The following ZNF619 variants were observed in gnomAD, a reference collection of about 807,000 sequenced individuals.
ZNF619 encodes the protein zinc finger protein 619.
Under a neutral mutation model 14.2 loss-of-function variants are expected in ZNF619, and 9 were observed. That is an observed-to-expected ratio of 0.64 (90% CI 0.38 to 1.11). ZNF619 has a LOEUF of 1.11. Ranked by LOEUF, ZNF619 falls within the 50% of genes least tolerant of loss-of-function variation. The pLI is 0.01. For missense variants in ZNF619, 659 were observed against 680.1 expected, an observed-to-expected ratio of 0.97 and a Z score of 0.34; for synonymous variants, 246 against 252.8, an observed-to-expected ratio of 0.97 and a Z score of 0.26.
chr3:40,481,895 A>G lies in ZNF619; in HGVS notation c.57A>G (p.Pro19=), dbSNP rs1415503728. ...GLGRNLLFQE[P]VTFEDVAVYF... ...GCAGGAACCTGTTGTTTCAGGAGCC[A>G]GTAACCTTTGAGGATGTGGCTGTGT... The change falls in exon 3 of 5, where the codon CCA becomes CCG. Residue 19 remains proline, a synonymous_variant. Coordinates refer to ENST00000432264, the MANE Select transcript of ZNF619 (RefSeq NM_001145093.4). The G allele has an allele frequency of 5.6e-6, 9 of 1,612,850 alleles. No homozygotes were observed. Among genetic ancestry groups the G allele is most frequent in the Non-Finnish European group, 5.9e-6 (7 of 1,179,430 alleles).
intron 2 of ZNF619, 109 bp downstream of exon 2, chr3:40,478,112 A>G (rs1697257345): frequency 1.9e-6 from 2 of 1,048,882 alleles, no homozygotes; most frequent in Middle Eastern, 4.2e-4. Context: ...ACATCCTTCA[A>G]TAAAGTATGT....
chr3:40,486,705 A>AG (rs1697590482), intron 4 of ZNF619, 101 bp from the exon 5 acceptor site: 1 of 972,252 alleles, frequency 1.0e-6, no homozygotes. Flanking sequence ...CCACTCAAAA[A>AG]AAAAAAAAAA....
rs1407105688 is a variant in ZNF619, at chr3:40,488,673, G to A, written c.*432G>A. On this transcript the variant is annotated 3_prime_UTR_variant, in exon 5 of 5. Coordinates refer to ENST00000432264, the MANE Select transcript of ZNF619 (RefSeq NM_001145093.4). ...GAGCTTTTTTTTTTTTAGGGGGTGGGGGGTGGTGCCGGAGTTTCACTCTTG... is the reference window on the plus strand; with the variant it reads ...GAGCTTTTTTTTTTTTAGGGGGTGGAGGGTGGTGCCGGAGTTTCACTCTTG... The A allele has an allele frequency of 6.3e-6, 1 of 158,610 alleles. No homozygotes were observed. Among genetic ancestry groups the A allele is most frequent in the Admixed American group, 6.2e-5 (1 of 16,252 alleles). The allele number at this position is 158,610 out of a possible 1,614,324, so 9.8% of individuals were successfully genotyped here.
intron 4 of ZNF619, among the ~76,000 whole-genome samples, chr3:40,485,297 G>T (rs1170598332): frequency 7.2e-6 from 1 of 139,728 alleles, no homozygotes; most frequent in Non-Finnish European, 1.5e-5. Flanking sequence ...TATTGTGAAT[G>T]CATCATTTTT....
Position 40,487,078 on chromosome 3 carries a change from C to T in ZNF619, c.568C>T (p.His190Tyr), listed in dbSNP as rs1324465687. The stretch of plus-strand genomic sequence containing the variant: ...ATTGGAAGAAAGTAGTGTCAGCACA[C>T]ATCTCATTACAAAGCAGGGTTTTGC... ...RKLEESSVST[H>Y]LITKQGFAKE... The change falls in exon 5 of 5, where the codon CAT becomes TAT. Residue 190 changes from histidine (H) to tyrosine (Y), a missense_variant. By Grantham distance (83) the His-to-Tyr change is moderately conservative. Coordinates refer to ENST00000432264, the MANE Select transcript of ZNF619 (RefSeq NM_001145093.4). 1 of 1,614,116 alleles carries T rather than the reference C, an allele frequency of 6.2e-7. No homozygotes were observed. Among genetic ancestry groups the T allele is most frequent in the East Asian group, 2.2e-5 (1 of 44,882 alleles).
At chr3:40,480,522 G>A (rs1185017695) in intron 2 of ZNF619, among the ~76,000 whole-genome samples, 12 of 133,750 alleles carry the variant, frequency 9.0e-5, no homozygotes, top group African/African-American at 2.7e-4. Context: ...TTTTTGAGAC[G>A]GAGTCTTGCT....
At position 40,487,223 on chromosome 3, in the gene ZNF619, G is replaced by T. The variant is rs184060445; in HGVS notation, c.713G>T (p.Gly238Val). 1.9e-5 allele frequency: 31 copies of T among 1,614,126 alleles called. No individual in the cohort carries two copies. The highest frequency in any genetic ancestry group is 3.3e-5 in the Admixed American group (2 of 60,018). Residue 238 changes from glycine (G) to valine (V), a missense_variant, in exon 5 of 5, where the codon GGG (glycine) becomes GTG (valine). Gly to Val is a moderately radical substitution (Grantham distance 109, BLOSUM62 -3). Coordinates refer to ENST00000432264, the MANE Select transcript of ZNF619 (RefSeq NM_001145093.4). ...NEKPYTCKEC[G>V]KTFRYNSKLS... ...AAGCCCTACACATGCAAAGAATGTG[G>T]GAAAACCTTCAGATATAACTCAAAA... is the stretch of plus-strand genomic sequence containing the variant.
intron 4 of ZNF619, among the ~76,000 whole-genome samples, chr3:40,483,316 A>G (rs1697469205): frequency 6.8e-6 from 1 of 146,988 alleles, no homozygotes; most frequent in South Asian, 2.1e-4. Flanking sequence ...TTTGAGATGG[A>G]GTCTCGCTTT....
chr3:40,477,876 T>G, intron 1 of ZNF619, 42 bp from the exon 2 acceptor site: 6 of 1,119,632 alleles, frequency 5.4e-6, no homozygotes, highest in Non-Finnish European at 4.0e-6. Flanking sequence ...GCGGCAAGTG[T>G]AGGAGACGAG....
At chr3:40,480,200 G>A (rs1249409472) in intron 2 of ZNF619, among the ~76,000 whole-genome samples, 1 of 152,138 alleles carries the variant, frequency 6.6e-6, no homozygotes, top group Admixed American at 6.5e-5. Context: ...TAAGAGAAGA[G>A]TATTAACAGA....
chr3:40,482,139 A>G, intron 3 of ZNF619, 123 bp downstream of exon 3: 1 of 1,548,516 alleles, frequency 6.5e-7, no homozygotes, highest in Non-Finnish European at 8.7e-7. Flanking sequence ...GAGCTCCCTA[A>G]TCCCCAGTGC....
rs1697667580 is a variant in ZNF619, at chr3:40,487,822, A to T, written c.1312A>T (p.Ser438Cys). Reference sequence around the variant, plus strand: ...ATGCCAGGAATGTGGGAAGACATTCAGTCAAAAGATCACTCTGGTTCAGCA... The same window carrying T: ...ATGCCAGGAATGTGGGAAGACATTCTGTCAAAAGATCACTCTGGTTCAGCA... ...YECQECGKTF[S>C]QKITLVQHQR... Residue 438 changes from serine to cysteine, a missense_variant, in exon 5 of 5, where the codon AGT becomes TGT. By Grantham distance (112) the Ser-to-Cys change is moderately radical (BLOSUM62 -1). Coordinates refer to ENST00000432264, the MANE Select transcript of ZNF619 (RefSeq NM_001145093.4). 1.9e-6 allele frequency: 3 copies of T among 1,614,108 alleles called. No individual in the cohort carries two copies. The highest frequency in any genetic ancestry group is 2.5e-6 in the Non-Finnish European group (3 of 1,180,042).
At position 40,487,271 on chromosome 3, in the gene ZNF619, A is replaced by G. The variant is rs144439722; in HGVS notation, c.761A>G (p.His254Arg). 8 of 1,614,076 alleles carry G rather than the reference A, an allele frequency of 5.0e-6. No individual in the cohort carries two copies. In the African/African-American group the frequency reaches 9.3e-5, roughly 19 times the overall value. The change falls in exon 5 of 5, where the codon CAC (histidine) becomes CGC (arginine). Residue 254 changes from histidine (H) to arginine (R), a missense_variant. By Grantham distance (29) the His-to-Arg change is conservative. Transcript: ENST00000432264. ...AAACTGTCACGGCATCAGAAAATCC[A>G]CACTGGAGAGAAACCATACTCATGT... ...NSKLSRHQKI[H>R]TGEKPYSCEE... is the part of the protein sequence containing the mutation.
At position 40,487,526 on chromosome 3, in the gene ZNF619, A is replaced by G. The variant is rs777250266; in HGVS notation, c.1016A>G (p.Asn339Ser). 1.9e-6 allele frequency: 3 copies of G among 1,614,074 alleles called. No individual in the cohort carries two copies. Among genetic ancestry groups the G allele is most frequent in the East Asian group, 2.2e-5 (1 of 44,878 alleles). ...TGCATCATCCATGAACGAATTCACA[A>G]TGGGGAGAAGCCCTATGAATGTAAG... Reference protein sequence around the residue: ...YDCIIHERIHNGEKPYECKEC... With the variant: ...YDCIIHERIHSGEKPYECKEC... Residue 339 changes from asparagine to serine, a missense_variant, in exon 5 of 5, where the codon AAT becomes AGT. Asn to Ser is a conservative substitution (Grantham distance 46, BLOSUM62 1). Transcript: ENST00000432264.
chr3:40,481,773 G>C, intron 2 of ZNF619, 90 bp from the exon 3 acceptor site: 1 of 1,512,530 alleles, frequency 6.6e-7, no homozygotes, highest in East Asian at 2.3e-5. Context: ...CTCCTTGCCA[G>C]TACAAACCTT....
intron 2 of ZNF619, 132 bp downstream of exon 2, chr3:40,478,135 C>A (rs751612988): frequency 7.2e-6 from 6 of 836,314 alleles, no homozygotes; most frequent in Non-Finnish European, 1.1e-5. Flanking sequence ...AAACAGTATG[C>A]GAGGGGAGTT....
chr3:40,487,083 C>T lies in ZNF619; in HGVS notation c.573C>T (p.Leu191=), dbSNP rs756395132. 6.2e-7 allele frequency: 1 copy of T among 1,614,140 alleles called. No individual in the cohort carries two copies. Among genetic ancestry groups the T allele is most frequent in the South Asian group, 1.1e-5 (1 of 91,082 alleles). ...KLEESSVSTH[L]ITKQGFAKEQ... Reference sequence around the variant, plus strand: ...AAGAAAGTAGTGTCAGCACACATCTCATTACAAAGCAGGGTTTTGCCAAAG... The same window carrying T: ...AAGAAAGTAGTGTCAGCACACATCTTATTACAAAGCAGGGTTTTGCCAAAG... Residue 191 remains leucine (L), a synonymous_variant, in exon 5 of 5, where the codon CTC becomes CTT. Coordinates refer to ENST00000432264, the MANE Select transcript of ZNF619 (RefSeq NM_001145093.4).
At chr3:40,483,678 G>C (rs2125639238) in intron 4 of ZNF619, 1 of 450,046 alleles carries the variant, frequency 2.2e-6, no homozygotes, top group South Asian at 1.6e-5. Context: ...GCCCAGGCTG[G>C]AGTGCAATGG....
chr3:40,482,745 T>G, intron 4 of ZNF619, 41 bp downstream of exon 4: 2 of 1,471,522 alleles, frequency 1.4e-6, no homozygotes, highest in Non-Finnish European at 1.9e-6. Context: ...CAGCTTTGCC[T>G]CCTCCTTTCT....
Sources: allele counts gnomAD v4.1 joint callset (sites outside exome capture counted in the v4.1 genomes callset), GRCh38; gene constraint gnomAD v4.1.1; transcripts MANE v1.5; gene names NCBI Gene and HGNC (gene_info 2026-07-23, HGNC 2026-07-21).